The following TANGO6 variants were observed in gnomAD, a reference collection of about 807,000 sequenced individuals.
TANGO6 encodes transport and golgi organization 6 homolog, also known as transport and Golgi organization protein 6 homolog.
In TANGO6, 90 loss-of-function variants were observed where a neutral mutation model predicts 114.2. That is an observed-to-expected ratio of 0.79 (90% CI 0.66 to 0.94). TANGO6 has a LOEUF of 0.94. Among genes scored for constraint, TANGO6 ranks in the 40% least tolerant of loss-of-function variants. The pLI is 0.00. For synonymous variants in TANGO6, 477 were observed against 509.8 expected, an observed-to-expected ratio of 0.94 and a Z score of 0.87; for missense variants, 1,274 against 1,315.3, an observed-to-expected ratio of 0.97 and a Z score of 0.49.
intron 4 of TANGO6, among the ~76,000 whole-genome samples, chr16:68,868,552 CAGTG>C (rs1962215944): frequency 7.0e-6 from 1 of 142,632 alleles, no homozygotes; most frequent in African/African-American, 2.7e-5. Flanking sequence ...GGCTAGAGCG[CAGTG>C]GCGTGATCTT....
intron 14 of TANGO6, among the ~76,000 whole-genome samples, chr16:68,952,686 T>C (rs74025345): frequency 0.034 from 5,160 of 152,182 alleles, 120 homozygotes; most frequent in African/African-American, 0.063. Context: ...GCAACACATT[T>C]TTAGATTTTT....
intron 7 of TANGO6, among the ~76,000 whole-genome samples, chr16:68,896,852 A>G (rs1432936581): frequency 6.6e-6 from 1 of 152,174 alleles, no homozygotes; most frequent in African/African-American, 2.4e-5. Context: ...CTCTGTTTCT[A>G]TCCGTGAACT....
At position 68,957,757 on chromosome 16, in the gene TANGO6, T is replaced by C. The variant is rs181201779; in HGVS notation, c.2702-16271T>C. Among the ~76,000 whole-genome samples the C allele has an allele frequency of 5.3e-5, 8 of 152,316 alleles. No individual in the cohort carries two copies. In the East Asian group the frequency reaches 1.3e-3, roughly 26 times the overall value. On this transcript the variant is annotated intron_variant, in intron 14 of 17. Transcript: ENST00000261778. ...AGAAATTATGAAGTAACCATACTTA[T>C]TATATTTAGAGAAATACAAGATAAG...
intron 17 of TANGO6, among the ~76,000 whole-genome samples, chr16:69,075,181 T>C (rs1304450502): frequency 6.6e-6 from 1 of 151,910 alleles, no homozygotes; most frequent in Non-Finnish European, 1.5e-5. Flanking sequence ...CTGCTTTTTT[T>C]TTTTTTTTTA....
At chr16:68,893,872 G>A (rs961822789) in intron 7 of TANGO6, among the ~76,000 whole-genome samples, 3 of 147,110 alleles carry the variant, frequency 2.0e-5, no homozygotes, top group Non-Finnish European at 3.0e-5. Context: ...CCTGCCCCCC[G>A]CCCCGCCCCA....
intron 14 of TANGO6, among the ~76,000 whole-genome samples, chr16:68,952,584 A>T (rs1442822244): frequency 6.6e-6 from 1 of 152,190 alleles, no homozygotes; most frequent in Non-Finnish European, 1.5e-5. Context: ...TACAATTTTT[A>T]ACTGAATGAA....
intron 7 of TANGO6, among the ~76,000 whole-genome samples, chr16:68,884,986 AG>A (rs760151829): frequency 6.6e-6 from 1 of 152,220 alleles, no homozygotes; most frequent in Non-Finnish European, 1.5e-5. Flanking sequence ...TCTCTCTGCA[AG>A]GTTTTGGCAG....
At chr16:68,911,864 G>A (rs925909832) in intron 11 of TANGO6, among the ~76,000 whole-genome samples, 10 of 152,230 alleles carry the variant, frequency 6.6e-5, no homozygotes, top group Non-Finnish European at 1.3e-4. Context: ...AGCGACCTGA[G>A]ATGAATGGGA....
chr16:69,066,999 T>G (rs1362789809), intron 17 of TANGO6, among the ~76,000 whole-genome samples: 1 of 152,056 alleles, frequency 6.6e-6, no homozygotes, highest in Non-Finnish European at 1.5e-5. Context: ...CAGGCTCAAG[T>G]GATCTTCCCT....
At chr16:68,962,614 A>G (rs1963603961) in intron 14 of TANGO6, among the ~76,000 whole-genome samples, 1 of 152,200 alleles carries the variant, frequency 6.6e-6, no homozygotes, top group Non-Finnish European at 1.5e-5. Context: ...ATACAAAATT[A>G]GCCAGGCATG....
intron 15 of TANGO6, among the ~76,000 whole-genome samples, chr16:68,992,939 C>T (rs958612004): frequency 2.0e-5 from 3 of 151,932 alleles, no homozygotes; most frequent in Non-Finnish European, 2.9e-5. Flanking sequence ...CGTGGTGGCT[C>T]GCGCCTGTAG....
intron 14 of TANGO6, among the ~76,000 whole-genome samples, chr16:68,971,024 G>A (rs960176420): frequency 2.0e-5 from 3 of 151,648 alleles, no homozygotes; most frequent in African/African-American, 7.3e-5. Context: ...ATAGTGGCAG[G>A]CACCTGTAAT....
chr16:68,899,425 C>T (rs906164749), intron 7 of TANGO6, among the ~76,000 whole-genome samples: 6 of 151,868 alleles, frequency 4.0e-5, no homozygotes, highest in East Asian at 1.9e-4. Flanking sequence ...GAATTGAATG[C>T]GTTTGTGCTA....
At chr16:69,046,319 G>T (rs1025702458) in intron 17 of TANGO6, among the ~76,000 whole-genome samples, 2 of 147,174 alleles carry the variant, frequency 1.4e-5, no homozygotes, top group Non-Finnish European at 3.0e-5. Flanking sequence ...TATCAGAAAA[G>T]GATTTTTTTT....
chr16:68,900,163 G>T (rs1962763029), intron 7 of TANGO6: 1 of 363,200 alleles, frequency 2.8e-6, no homozygotes, highest in Admixed American at 4.5e-5. Context: ...AAAGGAAGAG[G>T]TCAGAAAGCG....
chr16:69,079,284 CGCACATTGCACTCCA>C (rs1960431768), intron 17 of TANGO6, among the ~76,000 whole-genome samples: 1 of 151,830 alleles, frequency 6.6e-6, no homozygotes, highest in Non-Finnish European at 1.5e-5. Flanking sequence ...GAGCCGAGAT[CGCACATTGCACTCCA>C]GCCTGGGCAA....
At chr16:68,960,319 A>G (rs1235612673) in intron 14 of TANGO6, among the ~76,000 whole-genome samples, 1 of 107,238 alleles carries the variant, frequency 9.3e-6, no homozygotes, top group Non-Finnish European at 1.8e-5. Context: ...TTTTTTCTGT[A>G]CGTACTCCAG....
At chr16:68,921,146 C>G (rs1028877565) in intron 12 of TANGO6, among the ~76,000 whole-genome samples, 1 of 146,824 alleles carries the variant, frequency 6.8e-6, no homozygotes, top group Non-Finnish European at 1.5e-5. Flanking sequence ...AAAGAACTAT[C>G]AAGGAAAGTT....
chr16:68,963,424 C>G (rs553231513), intron 14 of TANGO6, among the ~76,000 whole-genome samples: 1 of 152,218 alleles, frequency 6.6e-6, no homozygotes. Flanking sequence ...GCCCCTTGCC[C>G]TACTTTTTAC....
Sources: gnomAD v4.1 joint callset for allele counts (sites outside exome capture counted in the v4.1 genomes callset) on GRCh38, gnomAD v4.1.1 for gene constraint, MANE v1.5 for transcripts, NCBI Gene and HGNC (gene_info 2026-07-23, HGNC 2026-07-21) for gene names.